Variants in PTPN9 observed in about 807,000 individuals in gnomAD.
PTPN9 encodes the protein tyrosine-protein phosphatase non-receptor type 9.
A neutral mutation model predicts 69.8 loss-of-function variants in PTPN9; 26 were observed. The ratio of observed to expected loss-of-function variants is 0.37; its 90% CI spans 0.27 to 0.52. The LOEUF is 0.52. PTPN9 is among the 20% of genes least tolerant of loss of function. The pLI, the probability that PTPN9 is intolerant of heterozygous loss-of-function variation, is 0.91. For missense variants in PTPN9, 549 were observed against 740.3 expected (o/e 0.74, Z 3.00); for synonymous variants, 274 against 272.5 (o/e 1.01, Z -0.05).
chr15:75,538,138 C>T, intron 1 of PTPN9, among the ~76,000 whole-genome samples: 1 of 151,964 alleles, frequency 6.6e-6, no homozygotes. Context: ...CAGGCTTCTC[C>T]GAGGAATGTA....
intron 1 of PTPN9, among the ~76,000 whole-genome samples, chr15:75,550,544 T>C (rs1007273891): frequency 1.3e-4 from 19 of 150,930 alleles, no homozygotes; most frequent in Non-Finnish European, 2.5e-4. Flanking sequence ...TCCCAGCACT[T>C]TGGGAGGCCG....
Position 75,576,055 on chromosome 15 carries a change from C to A in PTPN9, c.63+2659G>T, listed in dbSNP as rs1320573053. On this transcript the variant is annotated intron_variant, in intron 1 of 12. Coordinates refer to ENST00000618819, the MANE Select transcript of PTPN9 (RefSeq NM_002833.4). ...GAGACCATCCTCCAACATGGTGAAACCCCGTCTCTAGTAAAAATACAAAAC... is the reference window on the plus strand; with the variant it reads ...GAGACCATCCTCCAACATGGTGAAAACCCGTCTCTAGTAAAAATACAAAAC... 4.7e-5 allele frequency among the ~76,000 whole-genome samples: 7 copies of A among 149,804 alleles called. No individual in the cohort carries two copies. In the East Asian group the frequency reaches 1.4e-3, roughly 30 times the overall value.
chr15:75,556,136 C>T (rs1279080188), intron 1 of PTPN9, among the ~76,000 whole-genome samples: 2 of 151,100 alleles, frequency 1.3e-5, no homozygotes, highest in Admixed American at 6.6e-5. Context: ...ACAACCTCGG[C>T]TCAGTGCAAC....
rs546746393 is a variant in PTPN9 at position 75,557,189 on chromosome 15, T to C, written c.63+21525A>G. Among the ~76,000 whole-genome samples the C allele has an allele frequency of 4.6e-5, 7 of 151,830 alleles. No homozygotes were observed. The South Asian group carries it at 8.4e-4, about 18-fold the overall frequency. On this transcript the variant is annotated intron_variant, in intron 1 of 12. Transcript: ENST00000618819. ...CCTGTAATCCCAGCACTTTGGGAGG[T>C]TGAAGTGGGCAGATCACCTGAGGTC...
chr15:75,524,649 G>A (rs993726385), intron 2 of PTPN9, among the ~76,000 whole-genome samples: 2 of 151,640 alleles, frequency 1.3e-5, no homozygotes, highest in Non-Finnish European at 2.9e-5. Flanking sequence ...ATGGTGGTGC[G>A]CGCCCATAAT....
chr15:75,519,348 AC>A (rs1438569531), intron 4 of PTPN9, among the ~76,000 whole-genome samples: 2 of 151,450 alleles, frequency 1.3e-5, no homozygotes, highest in Non-Finnish European at 1.5e-5. Context: ...CAGGTGATCC[AC>A]CCACGTCGGC....
At chr15:75,515,426 C>CAAAAAAA (rs34643551) in intron 5 of PTPN9, among the ~76,000 whole-genome samples, 1 of 69,416 alleles carries the variant, frequency 1.4e-5, no homozygotes, top group Non-Finnish European at 2.9e-5. Context: ...GACTCCGTCT[C>CAAAAAAA]AAAAAAAAAA....
At chr15:75,514,982 T>C (rs1396929854) in intron 5 of PTPN9, among the ~76,000 whole-genome samples, 3 of 152,184 alleles carry the variant, frequency 2.0e-5, no homozygotes, top group African/African-American at 7.2e-5. Context: ...CAGTTTGACA[T>C]TGTCTTATAA....
intron 7 of PTPN9, among the ~76,000 whole-genome samples, chr15:75,490,928 TGA>T (rs1345320538): frequency 1.3e-5 from 2 of 149,744 alleles, no homozygotes; most frequent in African/African-American, 4.9e-5. Context: ...CCCTGCCTAA[TGA>T]GAGGTTATCT....
chr15:75,465,591 C>A lies in PTPN9; in HGVS notation c.*3178G>T, dbSNP rs965705222. 6 of 152,156 alleles carry A rather than the reference C, an allele frequency of 3.9e-5. No homozygotes were observed. The highest frequency in any genetic ancestry group is 1.4e-4 in the African/African-American group (6 of 41,440). 9.4% of individuals were successfully genotyped at this position (152,156 alleles called of 1,614,324 possible). On this transcript the variant is annotated 3_prime_UTR_variant, in exon 13 of 13. Transcript: ENST00000618819. ...GTGGGAGGAGTTCCTCTGAGTTTTA[C>A]TGAAAATTTAGGAGACATCAATTTG... is the stretch of plus-strand genomic sequence containing the variant.
chr15:75,469,647 T>G, intron 12 of PTPN9, 145 bp downstream of exon 12: 1 of 867,268 alleles, frequency 1.2e-6, no homozygotes, highest in Non-Finnish European at 1.8e-6. Flanking sequence ...AAAAGGACAT[T>G]AGATGAGGGA....
At chr15:75,490,661 G>C (rs2074704227) in intron 7 of PTPN9, among the ~76,000 whole-genome samples, 1 of 151,962 alleles carries the variant, frequency 6.6e-6, no homozygotes, top group African/African-American at 2.4e-5. Context: ...GTCTCGCTCT[G>C]TTGCCCAGGC....
intron 1 of PTPN9, among the ~76,000 whole-genome samples, chr15:75,552,787 G>A (rs1002402502): frequency 6.8e-6 from 1 of 148,040 alleles, no homozygotes; most frequent in African/African-American, 2.5e-5. Flanking sequence ...AACTTTAAGA[G>A]AGTCACCGGC....
At chr15:75,504,847 TG>T (rs374894545) in intron 7 of PTPN9, among the ~76,000 whole-genome samples, 45,656 of 129,552 alleles carry the variant, frequency 0.35, 9,433 homozygotes, top group African/African-American at 0.55. Flanking sequence ...GGGAGGGAGG[TG>T]GGGGGGTCTG....
chr15:75,567,503 T>C (rs2141343956), intron 1 of PTPN9, among the ~76,000 whole-genome samples: 1 of 152,284 alleles, frequency 6.6e-6, no homozygotes, highest in African/African-American at 2.4e-5. Context: ...AACACTTCAG[T>C]CCTAAAGTCA....
chr15:75,478,559 C>A (rs2141290731), intron 9 of PTPN9, among the ~76,000 whole-genome samples: 1 of 152,348 alleles, frequency 6.6e-6, no homozygotes, highest in Admixed American at 6.5e-5. Flanking sequence ...GCGTGAGCCA[C>A]TGTGCCTGGC....
chr15:75,518,957 C>T (rs550356534), intron 4 of PTPN9, among the ~76,000 whole-genome samples: 20 of 152,136 alleles, frequency 1.3e-4, no homozygotes, highest in Non-Finnish European at 2.5e-4. Flanking sequence ...CAAGCCAGAT[C>T]CGTACTTATA....
intron 1 of PTPN9, among the ~76,000 whole-genome samples, chr15:75,545,310 G>A (rs1414809043): frequency 1.3e-5 from 2 of 152,124 alleles, no homozygotes; most frequent in South Asian, 4.1e-4. Flanking sequence ...GTTCACACTT[G>A]TAATCCCAAC....
chr15:75,505,471 TAA>T (rs904911485), intron 7 of PTPN9, among the ~76,000 whole-genome samples: 5 of 137,744 alleles, frequency 3.6e-5, no homozygotes, highest in African/African-American at 1.3e-4. Flanking sequence ...AATAAAAATT[TAA>T]AAAAAAAAGA....
Sources: gnomAD v4.1 joint callset for allele counts (sites outside exome capture counted in the v4.1 genomes callset) on GRCh38, gnomAD v4.1.1 for gene constraint, MANE v1.5 for transcripts, NCBI Gene and HGNC (gene_info 2026-07-23, HGNC 2026-07-21) for gene names.